MPRIP: variants seen among roughly 807,000 people sequenced by gnomAD.
MPRIP encodes myosin phosphatase Rho-interacting protein.
A neutral mutation model predicts 234.9 loss-of-function variants in MPRIP; 59 were observed. That is an observed-to-expected ratio of 0.25 (90% CI 0.20 to 0.31). The LOEUF is 0.31. Ranked by LOEUF, MPRIP falls within the 10% of genes least tolerant of loss-of-function variation. The pLI, the probability that MPRIP is intolerant of heterozygous loss-of-function variation, is 1.00. For synonymous variants in MPRIP, 1,144 were observed against 1,263.9 expected (o/e 0.91, Z 2.01); for missense variants, 2,436 against 3,071.0 (o/e 0.79, Z 4.89).
At chr17:17,084,957 C>T (rs965598602) in intron 3 of MPRIP, among the ~76,000 whole-genome samples, 3 of 152,196 alleles carry the variant, frequency 2.0e-5, no homozygotes, top group Admixed American at 6.5e-5. Flanking sequence ...GGAGGCCCTT[C>T]ATGTTTAAAG....
chr17:17,138,253 G>A lies in MPRIP; in HGVS notation c.1074G>A (p.Gly358=). Residue 358 remains glycine (G), a synonymous_variant, in exon 7 of 24, where the codon GGG becomes GGA. Coordinates refer to ENST00000651222, the MANE Select transcript of MPRIP (RefSeq NM_001364716.4). The surrounding 1 kb of genome is among the most constrained non-coding windows in gnomAD (Gnocchi z 5.8). ...STRGRGTERL[G]SAFAFKASRQ... is the part of the protein sequence containing the mutation. The stretch of plus-strand genomic sequence containing the variant: ...GGGGGCGGGGGACAGAGAGACTGGG[G>A]AGCGCCTTTGCCTTTAAAGCCAGCA... 1.8e-6 allele frequency: 1 copy of A among 550,802 alleles called. No individual in the cohort carries two copies. Among genetic ancestry groups the A allele is most frequent in the Non-Finnish European group, 3.1e-6 (1 of 327,678 alleles). The allele number at this position is 550,802 out of a possible 1,614,324, so 34.1% of individuals were successfully genotyped here.
intron 3 of MPRIP, among the ~76,000 whole-genome samples, chr17:17,113,880 CTTTTCTTTTTTT>C (rs1241311481): frequency 3.2e-5 from 3 of 93,230 alleles, no homozygotes; most frequent in Non-Finnish European, 5.9e-5. Flanking sequence ...CTTTTCTTTT[CTTTTCTTTTTTT>C]TTTTTTTTTT....
Position 17,175,377 on chromosome 17 carries a change from C to A in MPRIP, c.6835C>A (p.Pro2279Thr), listed in dbSNP as rs763146473. ...GDGGGEATGS[P>T]LAQGKDAYEL... ...CGGCGGTGGGGAGGCCACTGGGTCACCCCTTGCACAGGGCAAGGATGCCTA... is the reference window on the plus strand; with the variant it reads ...CGGCGGTGGGGAGGCCACTGGGTCAACCCTTGCACAGGGCAAGGATGCCTA... The change falls in exon 20 of 24, where the codon CCC becomes ACC. Residue 2279 changes from proline (P) to threonine (T), a missense_variant. Pro to Thr is a conservative substitution (Grantham distance 38). Transcript: ENST00000651222. The A allele has an allele frequency of 6.2e-7, 1 of 1,613,088 alleles. No individual in the cohort carries two copies. The highest frequency in any genetic ancestry group is 1.7e-5 in the Admixed American group (1 of 59,988).
chr17:17,149,690 T>C (rs1175068980), intron 11 of MPRIP: 1 of 147,930 alleles, frequency 6.8e-6, no homozygotes, highest in African/African-American at 2.4e-5. Flanking sequence ...AAATTTTACA[T>C]TTATATTAAT....
At chr17:17,149,163 A>T (rs2045541990) in intron 11 of MPRIP, among the ~76,000 whole-genome samples, 1 of 152,214 alleles carries the variant, frequency 6.6e-6, no homozygotes, top group Non-Finnish European at 1.5e-5. Context: ...TGCTTGTCAA[A>T]GAACAGCCAC....
intron 23 of MPRIP, chr17:17,182,678 A>T (rs1320767524): frequency 6.6e-6 from 1 of 152,256 alleles, no homozygotes; most frequent in Non-Finnish European, 1.5e-5. Flanking sequence ...GCCCTTTGTC[A>T]CTGGGGCAGG....
intron 3 of MPRIP, among the ~76,000 whole-genome samples, chr17:17,111,158 C>A (rs796585934): frequency 6.3e-4 from 38 of 60,614 alleles, no homozygotes; most frequent in South Asian, 1.7e-3. Flanking sequence ...AAAAAAAAAC[C>A]AAAAAAAAAA....
At chr17:17,144,193 C>A (rs1316810049) in intron 9 of MPRIP, among the ~76,000 whole-genome samples, 2 of 152,228 alleles carry the variant, frequency 1.3e-5, no homozygotes, top group Non-Finnish European at 2.9e-5. Flanking sequence ...CCAGCTCCTA[C>A]CCGCTCTGTC....
intron 1 of MPRIP, among the ~76,000 whole-genome samples, chr17:17,045,866 C>T (rs998985390): frequency 1.0e-4 from 15 of 148,694 alleles, no homozygotes; most frequent in Non-Finnish European, 1.5e-4. Flanking sequence ...TGTGCAGTGG[C>T]GCGATCTGAG....
intron 3 of MPRIP, among the ~76,000 whole-genome samples, chr17:17,110,016 G>A (rs556956197): frequency 2.0e-5 from 3 of 152,310 alleles, no homozygotes; most frequent in South Asian, 4.1e-4. Flanking sequence ...TGGAGGTGGG[G>A]CCTAGTTGGG....
chr17:17,066,775 A>T (rs1232513797), intron 1 of MPRIP, among the ~76,000 whole-genome samples: 2 of 72,340 alleles, frequency 2.8e-5, no homozygotes, highest in African/African-American at 9.7e-5. Flanking sequence ...TTTTTGAGAC[A>T]GTGTCTTGCC....
chr17:17,184,699 C>T (rs189479497), intron 23 of MPRIP, 124 bp from the exon 24 acceptor site: 9 of 651,454 alleles, frequency 1.4e-5, no homozygotes, highest in East Asian at 8.2e-5. Flanking sequence ...GCCCACTAAC[C>T]GCACCTGCAC....
At chr17:17,073,014 T>G (rs930021905) in intron 1 of MPRIP, among the ~76,000 whole-genome samples, 1 of 152,182 alleles carries the variant, frequency 6.6e-6, no homozygotes, top group African/African-American at 2.4e-5. Flanking sequence ...CCAACTGATG[T>G]GCAGCCATCA....
Position 17,165,700 on chromosome 17 carries a change from T to G in MPRIP, c.4109T>G (p.Leu1370Arg), listed in dbSNP as rs778671068. Residue 1370 changes from leucine to arginine, a missense_variant, in exon 16 of 24, where the codon CTG becomes CGG. This residue lies in a region of MPRIP where 1,998 missense variants were observed against 2,520.3 expected (regional missense o/e 0.79). Transcript: ENST00000651222. ...TCCTCAGAGCCTGCACCCAGTGTAC[T>G]GCCTGCAACTGGCGACTCTGACACG... is the stretch of plus-strand genomic sequence containing the variant. ...SMSSEPAPSVLPATGDSDTYL... is the reference protein window; with the variant it reads ...SMSSEPAPSVRPATGDSDTYL... The G allele has an allele frequency of 7.7e-7, 1 of 1,305,054 alleles. No individual in the cohort carries two copies. Among genetic ancestry groups the G allele is most frequent in the Non-Finnish European group, 1.0e-6 (1 of 989,008 alleles). 80.8% of individuals were successfully genotyped at this position (1,305,054 alleles called of 1,614,324 possible). A position where few individuals can be genotyped will look rare whatever the true frequency, so the allele number is the denominator to read the frequency against.
rs775597260 is a variant in MPRIP at position 17,165,872 on chromosome 17, C to A, written c.4281C>A (p.Ala1427=). Residue 1427 remains alanine, a synonymous_variant, in exon 16 of 24, where the codon GCC becomes GCA. Transcript: ENST00000651222. ...ACCACCAGTGGGCGGGCACCGAGGCCCAGCTGCGTGAGCAGCTCCGCGCCA... is the reference window on the plus strand; with the variant it reads ...ACCACCAGTGGGCGGGCACCGAGGCACAGCTGCGTGAGCAGCTCCGCGCCA... ...ALHHQWAGTE[A]QLREQLRASL... is the part of the protein sequence containing the mutation. 2 of 1,303,954 alleles carry A rather than the reference C, an allele frequency of 1.5e-6. No homozygotes were observed. The highest frequency in any genetic ancestry group is 1.5e-5 in the African/African-American group (1 of 65,876). 80.8% of individuals were successfully genotyped at this position (1,303,954 alleles called of 1,614,324 possible).
intron 3 of MPRIP, among the ~76,000 whole-genome samples, chr17:17,087,334 A>G (rs1319706924): frequency 6.6e-6 from 1 of 152,160 alleles, no homozygotes; most frequent in Non-Finnish European, 1.5e-5. Context: ...AGGGAAGGAA[A>G]GAGGGAGAGG....
chr17:17,094,829 C>G (rs986701126), intron 3 of MPRIP, among the ~76,000 whole-genome samples: 8 of 152,050 alleles, frequency 5.3e-5, no homozygotes, highest in Admixed American at 5.2e-4. Context: ...CCAGGCCAGC[C>G]TCAAGCTCCT....
At chr17:17,140,425 C>G (rs1030301918) in intron 7 of MPRIP, among the ~76,000 whole-genome samples, 5 of 152,164 alleles carry the variant, frequency 3.3e-5, no homozygotes, top group African/African-American at 1.2e-4. Context: ...ACTGCAGCAT[C>G]CCTTTCTCCT....
chr17:17,051,362 G>A (rs1408583919), intron 1 of MPRIP, among the ~76,000 whole-genome samples: 3 of 152,212 alleles, frequency 2.0e-5, no homozygotes, highest in Non-Finnish European at 4.4e-5. Flanking sequence ...TAATTTGGAA[G>A]CATCTGACCT....
Sources: allele counts gnomAD v4.1 joint callset (sites outside exome capture counted in the v4.1 genomes callset), GRCh38; gene constraint gnomAD v4.1.1; regional missense constraint gnomAD v4.1.1; non-coding constraint Gnocchi (gnomAD v3.1); transcripts MANE v1.5; gene names NCBI Gene and HGNC (gene_info 2026-07-23, HGNC 2026-07-21).